FANCC: variants seen among roughly 807,000 people sequenced by gnomAD.
The protein encoded by FANCC is FA complementation group C.
Under a neutral mutation model 71.3 loss-of-function variants are expected in FANCC, and 55 were observed. The observed-to-expected ratio is 0.77, with a 90% CI of 0.62 to 0.97. The LOEUF (loss-of-function observed/expected upper bound fraction) is 0.97, where lower values mean the gene tolerates loss of function less well. Ranked by LOEUF, FANCC falls within the 50% of genes least tolerant of loss-of-function variation. FANCC has a pLI of 0.00. For missense variants in FANCC, 678 were observed against 670.9 expected (o/e 1.01, Z -0.12); for synonymous variants, 275 against 244.9 (o/e 1.12, Z -1.15).
intron 4 of FANCC, among the ~76,000 whole-genome samples, chr9:95,194,761 T>C (rs566879127): frequency 1.1e-3 from 163 of 152,346 alleles, no homozygotes; most frequent in Non-Finnish European, 1.8e-3. Flanking sequence ...TCCTTTGTTA[T>C]TTGTGGCTTG....
chr9:95,141,286 T>G (rs1262361477), intron 7 of FANCC, among the ~76,000 whole-genome samples: 1 of 116,740 alleles, frequency 8.6e-6, no homozygotes, highest in Admixed American at 1.2e-4. Context: ...CACTCTAGCC[T>G]GGGTGACAGA....
At chr9:95,289,416 G>A (rs1173640541) in intron 1 of FANCC, among the ~76,000 whole-genome samples, 1 of 152,120 alleles carries the variant, frequency 6.6e-6, no homozygotes, top group African/African-American at 2.4e-5. Context: ...ACCTTGAAGT[G>A]CGCGTGAGTA....
At position 95,101,624 on chromosome 9, in the gene FANCC, G is replaced by A. The variant is rs779450392; in HGVS notation, c.*83C>T. ...CAGCGAGGGCACTTACTCCACAAAT[G>A]CGTGGCCACAGGTCATCACCTGTCC... On this transcript the variant is annotated 3_prime_UTR_variant, in exon 15 of 15. Coordinates refer to ENST00000289081, the MANE Select transcript of FANCC (RefSeq NM_000136.3). 12 of 1,560,216 alleles carry A rather than the reference G, an allele frequency of 7.7e-6. No homozygotes were observed. The Admixed American group carries it at 8.5e-5, about 11-fold the overall frequency.
chr9:95,227,119 G>A (rs1829669138), intron 4 of FANCC, among the ~76,000 whole-genome samples: 1 of 152,156 alleles, frequency 6.6e-6, no homozygotes, highest in Non-Finnish European at 1.5e-5. Flanking sequence ...GTTCCTGAGA[G>A]CCCGACCTAT....
Position 95,126,591 on chromosome 9 carries a change from GAGA to G in FANCC, c.844-13_844-11del. 6.2e-7 allele frequency: 1 copy of G among 1,613,892 alleles called. No homozygotes were observed. Among genetic ancestry groups the G allele is most frequent in the East Asian group, 2.2e-5 (1 of 44,882 alleles). ...GGCAGGCTGCTTGAGGCTGTAAAAG[GAGA>G]AGACCATGAGAATGTGAAATATCAC... On this transcript the variant is annotated splice_polypyrimidine_tract_variant and intron_variant, in intron 8 of 14. Transcript: ENST00000289081.
At chr9:95,123,405 C>A in intron 10 of FANCC, 1 of 449,268 alleles carries the variant, frequency 2.2e-6, no homozygotes, top group South Asian at 1.6e-5. Context: ...TTTGGGAGGC[C>A]AAGGTGGGAA....
intron 11 of FANCC, among the ~76,000 whole-genome samples, chr9:95,116,798 A>C (rs1449830133): frequency 6.6e-6 from 1 of 152,210 alleles, no homozygotes; most frequent in African/African-American, 2.4e-5. Flanking sequence ...CTGGCAAAGG[A>C]TATCAGGAGA....
At chr9:95,226,366 C>T (rs1042779196) in intron 4 of FANCC, among the ~76,000 whole-genome samples, 11 of 152,180 alleles carry the variant, frequency 7.2e-5, no homozygotes, top group Non-Finnish European at 1.6e-4. Context: ...GAAAAGGATT[C>T]AACTTTATTG....
At chr9:95,237,900 A>G (rs1279030909) in intron 4 of FANCC, among the ~76,000 whole-genome samples, 1 of 152,256 alleles carries the variant, frequency 6.6e-6, no homozygotes. Flanking sequence ...TATTTGGAAT[A>G]TACTGAATTA....
At position 95,105,842 on chromosome 9, in the gene FANCC, G is replaced by C. The variant is rs73654531; in HGVS notation, c.1533+1224C>G. On this transcript the variant is annotated intron_variant, in intron 14 of 14. Coordinates refer to ENST00000289081, the MANE Select transcript of FANCC (RefSeq NM_000136.3). ...TTCAGGCTGAACAGTACTCTCTTGTGGGTACAGATCACACGGTGCATTGCT... is the reference window on the plus strand; with the variant it reads ...TTCAGGCTGAACAGTACTCTCTTGTCGGTACAGATCACACGGTGCATTGCT... Among the ~76,000 whole-genome samples, 472 of 152,288 alleles carry C rather than the reference G, an allele frequency of 3.1e-3. 2 individuals are homozygous for C. The highest frequency in any genetic ancestry group is 0.011 in the African/African-American group (459 of 41,558).
In FANCC at chr9:95,255,279, G is replaced by A. The variant is rs142079660; in HGVS notation, c.-78-5910C>T. Among the ~76,000 whole-genome samples, 192 of 152,182 alleles carry A rather than the reference G, an allele frequency of 1.3e-3. 1 individual carries two copies. The highest frequency in any genetic ancestry group is 4.5e-3 in the African/African-American group (186 of 41,534). On this transcript the variant is annotated intron_variant, in intron 1 of 14. Coordinates refer to ENST00000289081, the MANE Select transcript of FANCC (RefSeq NM_000136.3). Reference sequence around the variant, plus strand: ...CTGACAAGGAGACACTTCCAAGCAGGGGTCGACAGACACCTCATACAGGAG... The same window carrying A: ...CTGACAAGGAGACACTTCCAAGCAGAGGTCGACAGACACCTCATACAGGAG...
At position 95,155,363 on chromosome 9, in the gene FANCC, G is replaced by A. The variant is rs1201186005; in HGVS notation, c.522-5276C>T. On this transcript the variant is annotated intron_variant, in intron 6 of 14. Coordinates refer to ENST00000289081, the MANE Select transcript of FANCC (RefSeq NM_000136.3). The stretch of plus-strand genomic sequence containing the variant: ...GGAGGAAGGGAGGGAGGGAGGGAGG[G>A]AGGGAGGGAGGAAAAAGAAAATATT... Among the ~76,000 whole-genome samples the A allele has an allele frequency of 2.4e-3, 228 of 94,320 alleles. 3 individuals carry two copies. The highest frequency in any genetic ancestry group is 9.2e-3 in the African/African-American group (217 of 23,714). 61.9% of individuals were successfully genotyped at this position (94,320 alleles called of 152,430 possible). A position where few individuals can be genotyped will look rare whatever the true frequency, so the allele number is the denominator to read the frequency against.
At chr9:95,111,298 A>G in intron 13 of FANCC, 165 bp downstream of exon 13, 1 of 1,582,484 alleles carries the variant, frequency 6.3e-7, no homozygotes, top group Non-Finnish European at 8.5e-7. Flanking sequence ...GCCTCTGACC[A>G]CAAGGCTGGA....
intron 4 of FANCC, among the ~76,000 whole-genome samples, chr9:95,196,603 G>A (rs1022661672): frequency 6.6e-6 from 1 of 152,122 alleles, no homozygotes; most frequent in Non-Finnish European, 1.5e-5. Context: ...AGATAATATT[G>A]TCGTCCTCCA....
intron 6 of FANCC, among the ~76,000 whole-genome samples, chr9:95,168,122 C>T (rs947335122): frequency 4.6e-5 from 7 of 152,098 alleles, no homozygotes; most frequent in African/African-American, 1.7e-4. Context: ...CTCTAGTGTC[C>T]GTTTGTGGTA....
rs372408049 is a variant in FANCC, at chr9:95,176,738, G to A, written c.346-4591C>T. 5.9e-5 allele frequency among the ~76,000 whole-genome samples: 9 copies of A among 152,356 alleles called. No homozygotes were observed. In the East Asian group the frequency reaches 7.7e-4, roughly 13 times the overall value. On this transcript the variant is annotated intron_variant, in intron 4 of 14. Coordinates refer to ENST00000289081, the MANE Select transcript of FANCC (RefSeq NM_000136.3). ...CAATCCACCCTTAAAAAATTAGAGC[G>A]CAAGGCGCTACAAACCTGGTTGAGA...
intron 1 of FANCC, among the ~76,000 whole-genome samples, chr9:95,291,964 AAAAATATAT>A (rs1834036272): frequency 9.4e-6 from 1 of 106,704 alleles, no homozygotes; most frequent in Non-Finnish European, 1.9e-5. Context: ...AAAAAAAAAA[AAAAATATAT>A]ATATATATAT....
chr9:95,271,927 C>CTTTTTTTTT lies in FANCC; in HGVS notation c.-78-22567_-78-22559dup, dbSNP rs869093626. On this transcript the variant is annotated intron_variant, in intron 1 of 14. Coordinates refer to ENST00000289081, the MANE Select transcript of FANCC (RefSeq NM_000136.3). The stretch of plus-strand genomic sequence containing the variant: ...TTCCATCAATCCCATCAAGCCTCTT[C>CTTTTTTTTT]TTTTTTTTTTTTTTTTTTTTTTTTT... 8.5e-3 allele frequency among the ~76,000 whole-genome samples: 431 copies of CTTTTTTTTT among 50,514 alleles called. 118 individuals carry two copies. The highest frequency in any genetic ancestry group is 0.037 in the Middle Eastern group (2 of 54). The allele number at this position is 50,514 out of a possible 152,430, so 33.1% of individuals were successfully genotyped here. A position where few individuals can be genotyped will look rare whatever the true frequency, so the allele number is the denominator to read the frequency against.
chr9:95,164,451 C>T (rs1476918474), intron 6 of FANCC, among the ~76,000 whole-genome samples: 2 of 152,116 alleles, frequency 1.3e-5, no homozygotes. Context: ...ATGGCCTTTA[C>T]TACTTTACTA....
Sources: allele counts gnomAD v4.1 joint callset (sites outside exome capture counted in the v4.1 genomes callset), GRCh38; gene constraint gnomAD v4.1.1; transcripts MANE v1.5; gene names NCBI Gene and HGNC (gene_info 2026-07-23, HGNC 2026-07-21).